PCDH9: variants seen among roughly 807,000 people sequenced by gnomAD.
PCDH9 encodes the protein protocadherin 9, also known as protocadherin-9.
Under a neutral mutation model 70.6 loss-of-function variants are expected in PCDH9, and 24 were observed. The observed-to-expected ratio is 0.34, with a 90% confidence interval of 0.25 to 0.48. The LOEUF is 0.48. PCDH9 is among the 20% of genes least tolerant of loss of function. The pLI is 0.99. For missense variants in PCDH9, 1,281 were observed against 1,503.6 expected (o/e 0.85, Z 2.45); for synonymous variants, 562 against 558.5 (o/e 1.01, Z -0.09).
At chr13:66,483,897 A>G (rs1055800483) in intron 4 of PCDH9, among the ~76,000 whole-genome samples, 1 of 152,056 alleles carries the variant, frequency 6.6e-6, no homozygotes, top group Non-Finnish European at 1.5e-5. Flanking sequence ...ACATCGAGAG[A>G]AGCAGATGGG....
At chr13:67,111,741 C>T (rs557371919) in intron 2 of PCDH9, among the ~76,000 whole-genome samples, 4 of 152,194 alleles carry the variant, frequency 2.6e-5, no homozygotes, top group African/African-American at 9.6e-5. Context: ...TTGATAAGAA[C>T]AGTGGAACCG....
intron 4 of PCDH9, among the ~76,000 whole-genome samples, chr13:66,488,700 A>C (rs1303696784): frequency 6.6e-6 from 1 of 152,204 alleles, no homozygotes; most frequent in Non-Finnish European, 1.5e-5. Flanking sequence ...CACATAGAAG[A>C]AAATTTATAT....
At chr13:66,369,757 T>C (rs1956614272) in intron 4 of PCDH9, among the ~76,000 whole-genome samples, 1 of 152,050 alleles carries the variant, frequency 6.6e-6, no homozygotes, top group African/African-American at 2.4e-5. Context: ...TGGTATATGG[T>C]GAAGGCTGGT....
At chr13:66,727,496 G>A (rs1389767168) in intron 3 of PCDH9, among the ~76,000 whole-genome samples, 2 of 151,806 alleles carry the variant, frequency 1.3e-5, no homozygotes, top group Non-Finnish European at 2.9e-5. Flanking sequence ...TACACTAGTG[G>A]GGAAAAATGC....
chr13:66,666,410 G>C (rs985004024), intron 3 of PCDH9, among the ~76,000 whole-genome samples: 4 of 149,838 alleles, frequency 2.7e-5, no homozygotes, highest in Admixed American at 2.7e-4. Context: ...TCCTCTACCT[G>C]TCTTCTGATG....
intron 4 of PCDH9, among the ~76,000 whole-genome samples, chr13:66,579,291 A>C (rs1391336756): frequency 1.3e-5 from 2 of 152,148 alleles, no homozygotes; most frequent in Non-Finnish European, 2.9e-5. Context: ...AATGGAGATA[A>C]TAAAATCTAC....
In PCDH9 at chr13:66,363,358, C is replaced by CA. The variant is rs554995841; in HGVS notation, c.3341-58331dup. 5.9e-5 allele frequency among the ~76,000 whole-genome samples: 9 copies of CA among 151,280 alleles called. No individual in the cohort carries two copies. The South Asian group carries it at 1.9e-3, about 32-fold the overall frequency. On this transcript the variant is annotated intron_variant, in intron 4 of 4. Coordinates refer to ENST00000377865, the MANE Select transcript of PCDH9 (RefSeq NM_203487.3). ...TCTTGTATCTTTTTAGTTTTTTTGGCAAAAAAAGTTAAAATTAAGATTGTC... is the reference window on the plus strand; with the variant it reads ...TCTTGTATCTTTTTAGTTTTTTTGGCAAAAAAAAGTTAAAATTAAGATTGTC...
intron 4 of PCDH9, among the ~76,000 whole-genome samples, chr13:66,542,723 T>C (rs912235767): frequency 6.8e-6 from 1 of 147,170 alleles, no homozygotes. Flanking sequence ...TATATATGTT[T>C]AAATATATAA....
intron 3 of PCDH9, among the ~76,000 whole-genome samples, chr13:66,797,960 GGT>G (rs368524616): frequency 2.6e-4 from 38 of 147,100 alleles, no homozygotes; most frequent in East Asian, 4.0e-4. Flanking sequence ...TTTCTTGGGG[GGT>G]GTGTGTGTGT....
At chr13:66,386,755 A>T (rs138468333) in intron 4 of PCDH9, among the ~76,000 whole-genome samples, 137 of 152,278 alleles carry the variant, frequency 9.0e-4, no homozygotes, top group Middle Eastern at 3.4e-3. Context: ...CATGTGTTAC[A>T]TGGCAACAGC....
intron 2 of PCDH9, among the ~76,000 whole-genome samples, chr13:67,004,827 A>G (rs1209743308): frequency 6.6e-6 from 1 of 152,052 alleles, no homozygotes; most frequent in Non-Finnish European, 1.5e-5. Context: ...TAAATGAGAT[A>G]TTTTATTTAA....
intron 3 of PCDH9, among the ~76,000 whole-genome samples, chr13:66,730,874 G>GTTT (rs1566154009): frequency 4.0e-4 from 9 of 22,718 alleles, no homozygotes; most frequent in African/African-American, 1.2e-3. Flanking sequence ...TTGTGTGTGT[G>GTTT]TGTTTTTTTT....
intron 3 of PCDH9, among the ~76,000 whole-genome samples, chr13:66,692,632 G>A (rs9564332): frequency 0.78 from 117,823 of 151,946 alleles, 46,022 homozygotes; most frequent in East Asian, 0.92. Flanking sequence ...CTTCTAGTTA[G>A]GATACTATAT....
chr13:66,934,924 G>A (rs1188751531), intron 2 of PCDH9, among the ~76,000 whole-genome samples: 1 of 150,378 alleles, frequency 6.6e-6, no homozygotes, highest in Admixed American at 6.6e-5. Context: ...GTTTCACCGT[G>A]TTAGCCAGGA....
Position 66,412,537 on chromosome 13 carries a change from C to T in PCDH9, c.3341-107509G>A, listed in dbSNP as rs555722285. ...TCCACTTATCATAGTATATTTGCAG[C>T]CACTTTTTATTTATGTATACATTCT... On this transcript the variant is annotated intron_variant, in intron 4 of 4. Transcript: ENST00000377865. 2.0e-5 allele frequency among the ~76,000 whole-genome samples: 3 copies of T among 152,216 alleles called. No individual in the cohort carries two copies. In the South Asian group the frequency reaches 6.2e-4, roughly 32 times the overall value.
intron 2 of PCDH9, among the ~76,000 whole-genome samples, chr13:67,086,323 G>A (rs2086106919): frequency 6.6e-6 from 1 of 152,256 alleles, no homozygotes; most frequent in African/African-American, 2.4e-5. Context: ...TGTATTAACA[G>A]TGGGTGATAT....
intron 3 of PCDH9, among the ~76,000 whole-genome samples, chr13:66,843,399 A>G (rs1205258828): frequency 6.6e-6 from 1 of 152,190 alleles, no homozygotes; most frequent in Non-Finnish European, 1.5e-5. Context: ...CACACACGTT[A>G]TAAAATGCTC....
rs554286871 is a variant in PCDH9, at chr13:66,703,157, C to A, written c.3139-71746G>T. On this transcript the variant is annotated intron_variant, in intron 3 of 4. Coordinates refer to ENST00000377865, the MANE Select transcript of PCDH9 (RefSeq NM_203487.3). ...AATGAATAGCAGCATACATTACCCA[C>A]AATTTTAAGATTTCAGTTTATTACC... 2.0e-5 allele frequency among the ~76,000 whole-genome samples: 3 copies of A among 152,180 alleles called. No homozygotes were observed. In the East Asian group the frequency reaches 5.8e-4, roughly 29 times the overall value.
At chr13:66,779,509 T>C (rs940843360) in intron 3 of PCDH9, among the ~76,000 whole-genome samples, 2 of 152,144 alleles carry the variant, frequency 1.3e-5, no homozygotes, top group Admixed American at 6.5e-5. Context: ...ACGATCTCAC[T>C]TATGTGGAAT....
Sources: gnomAD v4.1 joint callset for allele counts (sites outside exome capture counted in the v4.1 genomes callset) on GRCh38, gnomAD v4.1.1 for gene constraint, MANE v1.5 for transcripts, NCBI Gene and HGNC (gene_info 2026-07-23, HGNC 2026-07-21) for gene names.